The following ECD variants were observed in gnomAD, a reference collection of about 807,000 sequenced individuals.
ECD encodes ecdysoneless cell cycle regulator, also known as protein ecdysoneless homolog.
A neutral mutation model predicts 77.2 loss-of-function variants in ECD; 59 were observed. The observed-to-expected ratio is 0.76, with a 90% confidence interval of 0.62 to 0.95. The LOEUF (loss-of-function observed/expected upper bound fraction) is 0.95. ECD is among the 40% of genes least tolerant of loss of function. The pLI is 0.00. For synonymous variants in ECD, 233 were observed against 267.4 expected (o/e 0.87, Z 1.26); for missense variants, 704 against 763.4 (o/e 0.92, Z 0.92).
At chr10:73,155,496 C>G (rs919258357) in intron 5 of ECD, among the ~76,000 whole-genome samples, 1 of 151,588 alleles carries the variant, frequency 6.6e-6, no homozygotes, top group African/African-American at 2.4e-5. Flanking sequence ...AAGTTTTATT[C>G]AGAAACTGAA....
intron 8 of ECD, among the ~76,000 whole-genome samples, chr10:73,147,117 C>T (rs556020405): frequency 1.4e-5 from 2 of 144,786 alleles, no homozygotes; most frequent in Admixed American, 1.3e-4. Flanking sequence ...AATGGTGGCA[C>T]ATGCCTAGTC....
At chr10:73,157,048 C>CTT (rs944761707) in intron 3 of ECD, among the ~76,000 whole-genome samples, 2 of 145,662 alleles carry the variant, frequency 1.4e-5, no homozygotes, top group Non-Finnish European at 1.5e-5. Flanking sequence ...ATTTGCATCA[C>CTT]TTTTTTTTTT....
At chr10:73,151,671 A>G (rs997647351) in intron 7 of ECD, among the ~76,000 whole-genome samples, 6 of 151,660 alleles carry the variant, frequency 4.0e-5, no homozygotes, top group African/African-American at 7.3e-5. Flanking sequence ...AATATTTTTC[A>G]TATGTTTAAA....
chr10:73,150,903 T>C (rs1013988699), intron 7 of ECD, among the ~76,000 whole-genome samples: 4 of 152,044 alleles, frequency 2.6e-5, no homozygotes, highest in Admixed American at 1.3e-4. Flanking sequence ...TGTGGAGAAA[T>C]AGGAACACTT....
Position 73,134,517 on chromosome 10 carries a change from C to A in ECD, c.*66G>T. On this transcript the variant is annotated 3_prime_UTR_variant, in exon 14 of 14. Transcript: ENST00000372979. ...ATTTTTACTAAATGAGTAATCTAAACTAGAAATGAACAGAATCATATTCAA... is the reference window on the plus strand; with the variant it reads ...ATTTTTACTAAATGAGTAATCTAAAATAGAAATGAACAGAATCATATTCAA... 7.1e-7 allele frequency: 1 copy of A among 1,404,004 alleles called. No homozygotes were observed. The highest frequency in any genetic ancestry group is 9.7e-7 in the Non-Finnish European group (1 of 1,026,866). 87.0% of individuals were successfully genotyped at this position (1,404,004 alleles called of 1,614,324 possible).
At position 73,156,569 on chromosome 10, in the gene ECD, C is replaced by G; in HGVS notation, c.410G>C (p.Arg137Thr). The change falls in exon 4 of 14, where the codon AGG becomes ACG. Residue 137 changes from arginine (R) to threonine (T), a missense_variant and splice_region_variant. Transcript: ENST00000372979. ...KWLDPENSTN[R>T]VFFCHGELCI... Reference sequence around the variant, plus strand: ...TTTTCTAAACTTGGGTATACTTACCCTATTGGTGCTATTTTCAGGATCCAG... The same window carrying G: ...TTTTCTAAACTTGGGTATACTTACCGTATTGGTGCTATTTTCAGGATCCAG... 1 of 1,614,142 alleles carries G rather than the reference C, an allele frequency of 6.2e-7. No individual in the cohort carries two copies. Among genetic ancestry groups the G allele is most frequent in the African/African-American group, 1.3e-5 (1 of 75,062 alleles).
At chr10:73,160,300 A>T in intron 3 of ECD, 134 bp downstream of exon 3, 1 of 478,536 alleles carries the variant, frequency 2.1e-6, no homozygotes. Flanking sequence ...AAAAAAAAAG[A>T]GCACAGATAC....
At chr10:73,161,729 T>A (rs1025852186) in intron 2 of ECD, among the ~76,000 whole-genome samples, 1 of 152,112 alleles carries the variant, frequency 6.6e-6, no homozygotes, top group Non-Finnish European at 1.5e-5. Flanking sequence ...ACAAAGACAA[T>A]ATGAGAAAGC....
chr10:73,139,444 T>A lies in ECD; in HGVS notation c.1286A>T (p.Glu429Val), dbSNP rs1270345965. The change falls in exon 11 of 14, where the codon GAA becomes GTA. Residue 429 changes from glutamate (E) to valine (V), a missense_variant. By Grantham distance (121) the Glu-to-Val change is moderately radical (BLOSUM62 -2). Transcript: ENST00000372979. ...SPDQLDQLLQ[E>V]AVGKKESESV... ...CTCGGATTCTTTTTTGCCAACAGCTTCCTGCAGCAGCTGGTCCAGCTGATC... is the reference window on the plus strand; with the variant it reads ...CTCGGATTCTTTTTTGCCAACAGCTACCTGCAGCAGCTGGTCCAGCTGATC... The A allele has an allele frequency of 1.9e-6, 3 of 1,614,178 alleles. No homozygotes were observed. The highest frequency in any genetic ancestry group is 2.5e-6 in the Non-Finnish European group (3 of 1,180,032).
chr10:73,155,141 C>T (rs1341887042), intron 5 of ECD, among the ~76,000 whole-genome samples: 1 of 151,964 alleles, frequency 6.6e-6, no homozygotes, highest in East Asian at 2.0e-4. Flanking sequence ...CTCCACCTCC[C>T]TGCAACCTCC....
intron 2 of ECD, among the ~76,000 whole-genome samples, chr10:73,163,081 C>T (rs747377381): frequency 8.5e-5 from 13 of 152,180 alleles, no homozygotes; most frequent in Non-Finnish European, 1.5e-4. Context: ...ATAAACTCAT[C>T]TACTTGCCAA....
At chr10:73,159,798 C>A (rs1055333160) in intron 3 of ECD, among the ~76,000 whole-genome samples, 1 of 151,354 alleles carries the variant, frequency 6.6e-6, no homozygotes, top group Non-Finnish European at 1.5e-5. Flanking sequence ...CATGTACCAC[C>A]ATGCCTGGCT....
At chr10:73,146,917 T>C (rs1589115862) in intron 8 of ECD, among the ~76,000 whole-genome samples, 1 of 152,198 alleles carries the variant, frequency 6.6e-6, no homozygotes, top group Admixed American at 6.5e-5. Flanking sequence ...TTTATAGTGA[T>C]AGTCATACTT....
At chr10:73,136,189 T>C (rs960560360) in intron 13 of ECD, among the ~76,000 whole-genome samples, 1 of 152,160 alleles carries the variant, frequency 6.6e-6, no homozygotes, top group South Asian at 2.1e-4. Context: ...GATGAAAACA[T>C]AAACGGAAGG....
intron 13 of ECD, among the ~76,000 whole-genome samples, chr10:73,135,235 A>G (rs1414337879): frequency 6.6e-6 from 1 of 152,182 alleles, no homozygotes; most frequent in East Asian, 1.9e-4. Context: ...CCCAGTGAAA[A>G]AGCTTAAAAG....
intron 2 of ECD, among the ~76,000 whole-genome samples, chr10:73,161,956 A>C (rs911452293): frequency 6.6e-6 from 1 of 152,236 alleles, no homozygotes; most frequent in Non-Finnish European, 1.5e-5. Flanking sequence ...GTGTCTCAAG[A>C]GCTGCCATGG....
At chr10:73,148,760 C>T (rs1843161586) in intron 7 of ECD, among the ~76,000 whole-genome samples, 1 of 152,024 alleles carries the variant, frequency 6.6e-6, no homozygotes, top group Non-Finnish European at 1.5e-5. Context: ...AGAAATTATA[C>T]ATATATTGAA....
chr10:73,161,843 C>A (rs1243152446), intron 2 of ECD, among the ~76,000 whole-genome samples: 1 of 152,150 alleles, frequency 6.6e-6, no homozygotes, highest in East Asian at 1.9e-4. Context: ...CACGACCAAG[C>A]GAGATTTATT....
intron 9 of ECD, 72 bp downstream of exon 9, chr10:73,146,204 A>C: frequency 1.4e-6 from 1 of 736,046 alleles, no homozygotes; most frequent in Non-Finnish European, 1.9e-6. Flanking sequence ...AAGAATAATA[A>C]ATAATAAATA....
Sources: gnomAD v4.1 joint callset for allele counts (sites outside exome capture counted in the v4.1 genomes callset) on GRCh38, gnomAD v4.1.1 for gene constraint, MANE v1.5 for transcripts, NCBI Gene and HGNC (gene_info 2026-07-23, HGNC 2026-07-21) for gene names.